Variants in SLC25A48 observed in about 807,000 individuals in gnomAD.
SLC25A48 encodes the protein solute carrier family 25 member 48, also known as CTC-321K16.1.
Under a neutral mutation model 32.2 loss-of-function variants are expected in SLC25A48, and 29 were observed. The ratio of observed to expected loss-of-function variants is 0.90; its 90% CI spans 0.67 to 1.23. The LOEUF is 1.23. Ranked by LOEUF, SLC25A48 falls within the 50% of genes most tolerant of loss-of-function variation. SLC25A48 has a pLI of 0.00. For synonymous variants in SLC25A48, 164 were observed against 172.3 expected, an observed-to-expected ratio of 0.95 and a Z score of 0.38; for missense variants, 399 against 422.7, an observed-to-expected ratio of 0.94 and a Z score of 0.49.
At position 135,770,410 on chromosome 5, in the gene SLC25A48, C is replaced by A. The variant is rs560852116; in HGVS notation, c.-520-42113C>A. 2.7e-3 allele frequency among the ~76,000 whole-genome samples: 414 copies of A among 151,696 alleles called. 1 individual carries two copies. The highest frequency in any genetic ancestry group is 4.3e-3 in the Non-Finnish European group (294 of 67,794). ...TCTGGAGGGGAGGATGATATTACTC[C>A]CAGTATCGCAGGGGGTGGACACCTC... On this transcript the variant is annotated intron_variant, in intron 3 of 10. Coordinates refer to the SLC25A48 transcript ENST00000646290.
chr5:135,715,950 T>TG (rs1754786157), intron 3 of SLC25A48, among the ~76,000 whole-genome samples: 1 of 152,204 alleles, frequency 6.6e-6, no homozygotes, highest in African/African-American at 2.4e-5. Flanking sequence ...TTGTATTTCC[T>TG]GGCTTTTACT....
intron 3 of SLC25A48, among the ~76,000 whole-genome samples, chr5:135,672,672 T>C (rs1201449602): frequency 1.3e-5 from 2 of 152,212 alleles, no homozygotes; most frequent in African/African-American, 4.8e-5. Context: ...CCCCTGTTTT[T>C]TTCGTAGTTT....
chr5:135,632,552 T>C (rs1051327815), intron 2 of SLC25A48, among the ~76,000 whole-genome samples: 9 of 152,326 alleles, frequency 5.9e-5, no homozygotes, highest in Admixed American at 3.3e-4. Context: ...CAAGGTTGAT[T>C]CTGGCCTCTC....
intron 3 of SLC25A48, among the ~76,000 whole-genome samples, chr5:135,705,838 G>A (rs757453082): frequency 2.6e-5 from 4 of 152,170 alleles, no homozygotes; most frequent in Admixed American, 1.3e-4. Flanking sequence ...GGGATGTCCT[G>A]CTCCTGAGGG....
intron 4 of SLC25A48, among the ~76,000 whole-genome samples, chr5:135,856,227 A>G (rs575002371): frequency 2.6e-5 from 4 of 152,290 alleles, no homozygotes; most frequent in Admixed American, 1.3e-4. Flanking sequence ...GGCTGGACCC[A>G]TAGTCCTTTC....
intron 3 of SLC25A48, among the ~76,000 whole-genome samples, chr5:135,752,764 A>T (rs1028262871): frequency 5.3e-5 from 8 of 152,118 alleles, no homozygotes; most frequent in African/African-American, 1.9e-4. Flanking sequence ...TATCTCTATG[A>T]TATTATGAAT....
At chr5:135,807,506 T>C (rs1053471978) in intron 3 of SLC25A48, among the ~76,000 whole-genome samples, 2 of 150,616 alleles carry the variant, frequency 1.3e-5, no homozygotes, top group Non-Finnish European at 3.0e-5. Context: ...ATGATTATTA[T>C]GGATTTATTA....
chr5:135,617,291 A>G (rs562039900), intron 1 of SLC25A48, among the ~76,000 whole-genome samples: 4 of 152,000 alleles, frequency 2.6e-5, no homozygotes, highest in South Asian at 2.1e-4. Context: ...TTTATGTGGT[A>G]TGAGTTGTAA....
intron 4 of SLC25A48, among the ~76,000 whole-genome samples, chr5:135,828,818 T>G (rs1212623898): frequency 6.6e-6 from 1 of 152,202 alleles, no homozygotes; most frequent in Non-Finnish European, 1.5e-5. Flanking sequence ...CTCCAAGCCT[T>G]CCAGCTGCCC....
chr5:135,616,469 A>G (rs1409700279), intron 1 of SLC25A48, among the ~76,000 whole-genome samples: 1 of 152,154 alleles, frequency 6.6e-6, no homozygotes, highest in Non-Finnish European at 1.5e-5. Flanking sequence ...TTAAGATTTA[A>G]TGACTGCCCT....
At chr5:135,586,088 T>A (rs1382831981) in intron 1 of SLC25A48, among the ~76,000 whole-genome samples, 1 of 152,196 alleles carries the variant, frequency 6.6e-6, no homozygotes, top group Middle Eastern at 3.2e-3. Flanking sequence ...ATGAGGAAAC[T>A]GAGGAGAAGG....
chr5:135,741,924 G>T (rs1244259745), intron 3 of SLC25A48, among the ~76,000 whole-genome samples: 1 of 152,152 alleles, frequency 6.6e-6, no homozygotes, highest in East Asian at 1.9e-4. Flanking sequence ...CCACGTGCAA[G>T]GAGAGATGTA....
chr5:135,828,743 C>T (rs374804465), intron 4 of SLC25A48, among the ~76,000 whole-genome samples: 1 of 152,240 alleles, frequency 6.6e-6, no homozygotes, highest in Non-Finnish European at 1.5e-5. Context: ...AGCCTGTAGA[C>T]GCCACTGCCC....
At chr5:135,845,109 A>C (rs1468365238) in intron 2 of SLC25A48, among the ~76,000 whole-genome samples, 1 of 152,204 alleles carries the variant, frequency 6.6e-6, no homozygotes, top group Non-Finnish European at 1.5e-5. Flanking sequence ...GGAAGTCCAA[A>C]ACCAAGGTGT....
At chr5:135,681,972 A>C (rs1478252170) in intron 3 of SLC25A48, among the ~76,000 whole-genome samples, 1 of 152,134 alleles carries the variant, frequency 6.6e-6, no homozygotes, top group Non-Finnish European at 1.5e-5. Context: ...GGACTCAGGT[A>C]GTTTCTTTCC....
chr5:135,639,879 A>C (rs1173181714), intron 3 of SLC25A48, among the ~76,000 whole-genome samples: 1 of 152,248 alleles, frequency 6.6e-6, no homozygotes, highest in African/African-American at 2.4e-5. Flanking sequence ...AACAGTGGGA[A>C]CAGTGTGAGG....
At chr5:135,637,200 T>C (rs1201408259) in intron 3 of SLC25A48, among the ~76,000 whole-genome samples, 1 of 152,220 alleles carries the variant, frequency 6.6e-6, no homozygotes, top group Admixed American at 6.5e-5. Flanking sequence ...ACATGCTGGT[T>C]CTGAAAATGG....
At chr5:135,637,224 A>G (rs1285665582) in intron 3 of SLC25A48, among the ~76,000 whole-genome samples, 1 of 152,200 alleles carries the variant, frequency 6.6e-6, no homozygotes, top group Non-Finnish European at 1.5e-5. Flanking sequence ...AACAACCTAC[A>G]CAGTGAAACC....
At chr5:135,641,054 T>G (rs1752825372) in intron 3 of SLC25A48, among the ~76,000 whole-genome samples, 1 of 152,206 alleles carries the variant, frequency 6.6e-6, no homozygotes, top group Admixed American at 6.5e-5. Flanking sequence ...AGAACTGTCT[T>G]TATTCACAAG....
Sources: allele counts gnomAD v4.1 joint callset (sites outside exome capture counted in the v4.1 genomes callset), GRCh38; gene constraint gnomAD v4.1.1; transcripts MANE v1.5; gene names NCBI Gene and HGNC (gene_info 2026-07-23, HGNC 2026-07-21).